Variants in GXYLT1 observed in about 807,000 individuals in gnomAD.
The protein encoded by GXYLT1 is glucoside xylosyltransferase 1, also known as glycosyltransferase 8 domain containing 3.
Under a neutral mutation model 54.0 loss-of-function variants are expected in GXYLT1, and 29 were observed. The observed-to-expected ratio is 0.54, with a 90% CI of 0.40 to 0.73. The LOEUF (loss-of-function observed/expected upper bound fraction) is 0.73. Among genes scored for constraint, GXYLT1 ranks in the 30% least tolerant of loss-of-function variants. The pLI is 0.00. For synonymous variants in GXYLT1, 176 were observed against 204.1 expected (o/e 0.86, Z 1.17); for missense variants, 490 against 553.4 (o/e 0.89, Z 1.15).
At chr12:42,090,714 G>A (rs2065324555) in intron 7 of GXYLT1, among the ~76,000 whole-genome samples, 1 of 152,200 alleles carries the variant, frequency 6.6e-6, no homozygotes, top group Non-Finnish European at 1.5e-5. Context: ...CTATATGCAA[G>A]TCAGTACTAT....
intron 2 of GXYLT1, among the ~76,000 whole-genome samples, chr12:42,128,471 A>G (rs1260658849): frequency 2.0e-5 from 3 of 152,216 alleles, no homozygotes; most frequent in Admixed American, 6.5e-5. Context: ...GAAACTAGCT[A>G]ATTTCCAGAT....
intron 5 of GXYLT1, 100 bp downstream of exon 5, chr12:42,105,714 ATTAT>A (rs1478497954): frequency 1.9e-5 from 14 of 751,832 alleles, no homozygotes; most frequent in Middle Eastern, 7.4e-4. Flanking sequence ...AAATAGAAAA[ATTAT>A]TTATAGTTCA....
intron 1 of GXYLT1, among the ~76,000 whole-genome samples, chr12:42,130,923 G>A (rs896273097): frequency 2.6e-5 from 4 of 152,010 alleles, no homozygotes. Context: ...CCCCAGCCTG[G>A]CTGAACACAG....
chr12:42,110,815 G>C (rs1204445978), intron 3 of GXYLT1, among the ~76,000 whole-genome samples: 1 of 152,148 alleles, frequency 6.6e-6, no homozygotes, highest in Admixed American at 6.5e-5. Context: ...TAAAATCTTA[G>C]TCACTTTCAT....
At chr12:42,106,926 T>C (rs1478765876) in intron 4 of GXYLT1, among the ~76,000 whole-genome samples, 1 of 151,854 alleles carries the variant, frequency 6.6e-6, no homozygotes, top group South Asian at 2.1e-4. Context: ...TTCATATTTT[T>C]AGTAGAGATG....
intron 1 of GXYLT1, among the ~76,000 whole-genome samples, chr12:42,132,181 G>GC: frequency 6.6e-6 from 1 of 152,224 alleles, no homozygotes; most frequent in Non-Finnish European, 1.5e-5. Flanking sequence ...CAGGTCACTT[G>GC]TTAAAAATAC....
intron 1 of GXYLT1, among the ~76,000 whole-genome samples, chr12:42,140,834 T>C (rs1331554549): frequency 2.0e-5 from 3 of 152,244 alleles, no homozygotes; most frequent in East Asian, 1.9e-4. Flanking sequence ...TACTGCTGTA[T>C]AGCCACAGGT....
At chr12:42,106,140 T>C (rs1489316224) in intron 4 of GXYLT1, 71 bp from the exon 5 acceptor site, 2 of 1,034,326 alleles carry the variant, frequency 1.9e-6, no homozygotes, top group Non-Finnish European at 2.9e-6. Flanking sequence ...CACCTCTAAT[T>C]GTGTAAGATA....
At chr12:42,095,139 T>C (rs1458888949) in intron 7 of GXYLT1, among the ~76,000 whole-genome samples, 4 of 152,238 alleles carry the variant, frequency 2.6e-5, no homozygotes, top group Admixed American at 1.3e-4. Flanking sequence ...TTTTAAAAGC[T>C]TGATACTATA....
At chr12:42,102,576 T>C (rs1435163780) in intron 5 of GXYLT1, among the ~76,000 whole-genome samples, 1 of 152,066 alleles carries the variant, frequency 6.6e-6, no homozygotes, top group African/African-American at 2.4e-5. Flanking sequence ...CTGCCCTCAG[T>C]AGGTGGAGCA....
At chr12:42,101,099 G>A (rs557905187) in intron 5 of GXYLT1, among the ~76,000 whole-genome samples, 5 of 152,054 alleles carry the variant, frequency 3.3e-5, no homozygotes, top group East Asian at 1.9e-4. Flanking sequence ...GAAAAGAAGC[G>A]ATAACGCTAG....
chr12:42,112,350 CA>C (rs2065463213), intron 3 of GXYLT1, among the ~76,000 whole-genome samples: 1 of 151,948 alleles, frequency 6.6e-6, no homozygotes, highest in Non-Finnish European at 1.5e-5. Context: ...CTCCAAGCTA[CA>C]GGAGGAAATT....
Position 42,087,576 on chromosome 12 carries a change from C to T in GXYLT1, c.*210G>A, listed in dbSNP as rs2065302791. The T allele has an allele frequency of 4.2e-6, 2 of 471,970 alleles. No homozygotes were observed. The highest frequency in any genetic ancestry group is 2.0e-5 in the African/African-American group (1 of 49,178). 29.2% of individuals were successfully genotyped at this position (471,970 alleles called of 1,614,324 possible). ...AATGATAGCAAGTAACATTACAAAA[C>T]ATCAGAGATAAAAAATGTTCAATGT... is the stretch of plus-strand genomic sequence containing the variant. On this transcript the variant is annotated 3_prime_UTR_variant, in exon 8 of 8. Transcript: ENST00000398675.
At chr12:42,089,864 G>A (rs369937666) in intron 7 of GXYLT1, among the ~76,000 whole-genome samples, 1 of 152,218 alleles carries the variant, frequency 6.6e-6, no homozygotes, top group Non-Finnish European at 1.5e-5. Flanking sequence ...ACTTCACCAA[G>A]TGATACTTTC....
At chr12:42,112,166 A>C (rs1326384472) in intron 3 of GXYLT1, among the ~76,000 whole-genome samples, 1 of 152,166 alleles carries the variant, frequency 6.6e-6, no homozygotes, top group Non-Finnish European at 1.5e-5. Context: ...TCAAAGACCA[A>C]AGGTAGATAA....
At chr12:42,096,662 T>C (rs575760246) in intron 7 of GXYLT1, among the ~76,000 whole-genome samples, 2 of 152,332 alleles carry the variant, frequency 1.3e-5, no homozygotes, top group African/African-American at 4.8e-5. Flanking sequence ...TGAAGATTGT[T>C]TTGGGCAAGA....
intron 2 of GXYLT1, among the ~76,000 whole-genome samples, chr12:42,123,692 G>C (rs1467863546): frequency 6.6e-6 from 1 of 151,790 alleles, no homozygotes; most frequent in Non-Finnish European, 1.5e-5. Context: ...TATTAAATTA[G>C]TATTCCCTAT....
In GXYLT1 at chr12:42,087,812, A is replaced by G; in HGVS notation, c.1297T>C (p.Tyr433His). 1 of 1,605,714 alleles carries G rather than the reference A, an allele frequency of 6.2e-7. No individual in the cohort carries two copies. The change falls in exon 8 of 8, where the codon TAT (tyrosine) becomes CAT (histidine). Residue 433 changes from tyrosine (Y) to histidine (H), a missense_variant. Physicochemically the swap from Tyr to His is moderately conservative, Grantham distance 83. Around this residue, in one of 2 missense-constraint regions of GXYLT1, gnomAD observed 342 missense variants for 342.6 expected, o/e 1.00. Coordinates refer to ENST00000398675, the MANE Select transcript of GXYLT1 (RefSeq NM_173601.2). The part of the protein sequence containing the change: ...KQLAKSVRDR[Y>H]ARSPKEK ...CACTTTTCCTTTGGTGATCTGGCAT[A>G]ACGATCTCTTACACTTTTTGCTAGT... is the stretch of plus-strand genomic sequence containing the variant.
chr12:42,138,843 G>A (rs920985405), intron 1 of GXYLT1, among the ~76,000 whole-genome samples: 2 of 151,944 alleles, frequency 1.3e-5, no homozygotes, highest in Non-Finnish European at 2.9e-5. Context: ...TGGCCAACAC[G>A]GTGAAACCCC....
Sources: gnomAD v4.1 joint callset for allele counts (sites outside exome capture counted in the v4.1 genomes callset) on GRCh38, gnomAD v4.1.1 for gene constraint, gnomAD v4.1.1 regional missense constraint, MANE v1.5 for transcripts, NCBI Gene and HGNC (gene_info 2026-07-23, HGNC 2026-07-21) for gene names.